The following ATG2B variants were observed in gnomAD, a reference collection of about 807,000 sequenced individuals.
ATG2B encodes the protein autophagy-related protein 2 homolog B.
A neutral mutation model predicts 241.3 loss-of-function variants in ATG2B; 121 were observed. The observed-to-expected ratio is 0.50, with a 90% CI of 0.43 to 0.58. The LOEUF (loss-of-function observed/expected upper bound fraction) is 0.58. Among genes scored for constraint, ATG2B ranks in the 20% least tolerant of loss-of-function variants. The pLI, the probability that ATG2B is intolerant of heterozygous loss-of-function variation, is 0.00. For synonymous variants in ATG2B, 858 were observed against 876.6 expected (o/e 0.98, Z 0.37); for missense variants, 2,306 against 2,491.6 (o/e 0.93, Z 1.59).
At chr14:96,359,440 C>T (rs890434388) in intron 1 of ATG2B, among the ~76,000 whole-genome samples, 2 of 152,102 alleles carry the variant, frequency 1.3e-5, no homozygotes, top group African/African-American at 4.8e-5. Context: ...TTCTTGAGCT[C>T]CTGTAAGAAA....
At chr14:96,311,362 C>T (rs1311089180) in intron 27 of ATG2B, 75 bp from the exon 28 acceptor site, 1 of 1,388,276 alleles carries the variant, frequency 7.2e-7, no homozygotes, top group African/African-American at 1.4e-5. Context: ...CATAGATTTA[C>T]ATTAAATAAG....
intron 1 of ATG2B, among the ~76,000 whole-genome samples, chr14:96,350,772 G>C (rs1373927092): frequency 6.6e-6 from 1 of 152,072 alleles, no homozygotes. Context: ...GCTGACATTT[G>C]CATAATCCTA....
intron 34 of ATG2B, among the ~76,000 whole-genome samples, chr14:96,299,824 TAAG>T (rs762006479): frequency 6.6e-6 from 1 of 152,182 alleles, no homozygotes; most frequent in Non-Finnish European, 1.5e-5. Context: ...ATGATTCAAT[TAAG>T]AAGAATAAGT....
intron 1 of ATG2B, among the ~76,000 whole-genome samples, chr14:96,352,986 T>C (rs1888371250): frequency 6.6e-6 from 1 of 152,204 alleles, no homozygotes; most frequent in South Asian, 2.1e-4. Flanking sequence ...CATACAGCCA[T>C]ATCAATTTTT....
At chr14:96,317,996 G>T in intron 18 of ATG2B, 141 bp from the exon 19 acceptor site, 1 of 578,216 alleles carries the variant, frequency 1.7e-6, no homozygotes, top group South Asian at 3.3e-5. Context: ...CAAGAATTTG[G>T]AAAAACAACA....
chr14:96,297,736 G>T (rs920354659), intron 34 of ATG2B, among the ~76,000 whole-genome samples: 2 of 151,946 alleles, frequency 1.3e-5, no homozygotes, highest in Non-Finnish European at 2.9e-5. Context: ...AAAATTTTTT[G>T]ATTTTGGTAT....
chr14:96,353,617 A>C (rs993034567), intron 1 of ATG2B, among the ~76,000 whole-genome samples: 7 of 148,978 alleles, frequency 4.7e-5, no homozygotes, highest in African/African-American at 1.7e-4. Context: ...AACAGTGAGA[A>C]TCTGTCTCAA....
intron 23 of ATG2B, among the ~76,000 whole-genome samples, chr14:96,314,076 A>G (rs904128330): frequency 6.6e-6 from 1 of 152,196 alleles, no homozygotes; most frequent in Non-Finnish European, 1.5e-5. Flanking sequence ...CCAAACAAAT[A>G]AGGAGGTTCT....
intron 1 of ATG2B, among the ~76,000 whole-genome samples, chr14:96,362,483 G>A (rs1888681066): frequency 6.6e-6 from 1 of 152,090 alleles, no homozygotes; most frequent in Non-Finnish European, 1.5e-5. Context: ...ACAAAACCCT[G>A]CGGCCCCTCA....
chr14:96,326,544 T>C (rs966699339), intron 14 of ATG2B, among the ~76,000 whole-genome samples: 3 of 152,148 alleles, frequency 2.0e-5, no homozygotes, highest in African/African-American at 7.2e-5. Flanking sequence ...CCCAAAGCCA[T>C]CTTACAATAA....
chr14:96,307,598 C>T (rs1038539762), intron 29 of ATG2B, among the ~76,000 whole-genome samples: 6 of 151,736 alleles, frequency 4.0e-5, no homozygotes, highest in African/African-American at 1.2e-4. Context: ...GTCCTATAGG[C>T]GGAGCTCTGG....
At chr14:96,333,159 T>G (rs1887784412) in intron 8 of ATG2B, among the ~76,000 whole-genome samples, 1 of 152,132 alleles carries the variant, frequency 6.6e-6, no homozygotes, top group South Asian at 2.1e-4. Flanking sequence ...ATTTCTTATT[T>G]TGTCCAACAT....
At position 96,325,818 on chromosome 14, in the gene ATG2B, G is replaced by C; in HGVS notation, c.2268C>G (p.Phe756Leu). 1.2e-6 allele frequency: 2 copies of C among 1,613,998 alleles called. No individual in the cohort carries two copies. Among genetic ancestry groups the C allele is most frequent in the Non-Finnish European group, 1.7e-6 (2 of 1,179,986 alleles). The part of the protein sequence containing the change: ...ATPALNLSVR[F>L]PIPDLRSDQE... ...GATCAGATCGAAGATCAGGTATTGG[G>C]AAGCGAACAGAAAGGTTTAATGCTG... The change falls in exon 15 of 42, where the codon TTC becomes TTG. Residue 756 changes from phenylalanine (F) to leucine (L), a missense_variant. This residue lies in a region of ATG2B where 1,927 missense variants were observed against 2,011.2 expected (regional missense o/e 0.96). Coordinates refer to ENST00000359933, the MANE Select transcript of ATG2B (RefSeq NM_018036.7).
rs1887735584 is a variant in ATG2B at position 96,331,601 on chromosome 14, C to T, written c.1505G>A (p.Arg502Lys). 1 of 1,613,476 alleles carries T rather than the reference C, an allele frequency of 6.2e-7. No individual in the cohort carries two copies. The highest frequency in any genetic ancestry group is 8.5e-7 in the Non-Finnish European group (1 of 1,179,738). The stretch of plus-strand genomic sequence containing the variant: ...AGCTAGTCTAAAAATAAGTTCAGGC[C>T]TTGATTCATCCACTGAAACAGATCT... The part of the protein sequence containing the change: ...PSRSVSVDES[R>K]PELIFRLAVG... Residue 502 changes from arginine to lysine, a missense_variant, in exon 11 of 42, where the codon AGG becomes AAG. Coordinates refer to ENST00000359933, the MANE Select transcript of ATG2B (RefSeq NM_018036.7).
rs1432230943 is a variant in ATG2B, at chr14:96,308,209, T to C, written c.4303+1244A>G. Among the ~76,000 whole-genome samples the C allele has an allele frequency of 1.8e-4, 21 of 114,960 alleles. 1 individual carries two copies. The highest frequency in any genetic ancestry group is 7.1e-4 in the African/African-American group (21 of 29,486). The allele number at this position is 114,960 out of a possible 152,430, so 75.4% of individuals were successfully genotyped here. A position where few individuals can be genotyped will look rare whatever the true frequency, so the allele number is the denominator to read the frequency against. On this transcript the variant is annotated intron_variant, in intron 29 of 41. Coordinates refer to ENST00000359933, the MANE Select transcript of ATG2B (RefSeq NM_018036.7). ...ATAAATATATATATACATATATATA[T>C]AAATACATAAATATATATATACATA...
At position 96,285,930 on chromosome 14, in the gene ATG2B, C is replaced by T; in HGVS notation, c.6062G>A (p.Ser2021Asn). ...GCCCACGGCACCAGTCACCCCTCTGCTCTCGTGTTCTCGAGCCGCAGTTTC... is the reference window on the plus strand; with the variant it reads ...GCCCACGGCACCAGTCACCCCTCTGTTCTCGTGTTCTCGAGCCGCAGTTTC... ...IYETAAREHE[S>N]RGVTGAVGEV... Residue 2021 changes from serine to asparagine, a missense_variant, in exon 42 of 42, where the codon AGC (serine) becomes AAC (asparagine). This residue lies in a region of ATG2B where 379 missense variants were observed against 480.4 expected (regional missense o/e 0.79). Coordinates refer to ENST00000359933, the MANE Select transcript of ATG2B (RefSeq NM_018036.7). The surrounding 1 kb of genome is among the most constrained non-coding windows in gnomAD (Gnocchi z 4.2). The T allele has an allele frequency of 6.2e-7, 1 of 1,613,980 alleles. No homozygotes were observed. Among genetic ancestry groups the T allele is most frequent in the Non-Finnish European group, 8.5e-7 (1 of 1,180,012 alleles).
Position 96,295,529 on chromosome 14 carries a change from G to C in ATG2B, c.5171C>G (p.Thr1724Arg). The part of the protein sequence containing the change: ...DALFFLKDFF[T>R]SLSAEVELQM... The stretch of plus-strand genomic sequence containing the variant: ...AAGCTCTACTTCTGCAGAAAGACTT[G>C]TGAAGAAATCCTTCAGGAAGAACAA... Residue 1724 changes from threonine (T) to arginine (R), a missense_variant, in exon 35 of 42, where the codon ACA becomes AGA. By Grantham distance (71) the Thr-to-Arg change is moderately conservative (BLOSUM62 -1). Around this residue, in one of 2 missense-constraint regions of ATG2B, gnomAD observed 379 missense variants for 480.4 expected, o/e 0.79. Transcript: ENST00000359933. 6.2e-7 allele frequency: 1 copy of C among 1,606,098 alleles called. No homozygotes were observed. Among genetic ancestry groups the C allele is most frequent in the Middle Eastern group, 1.7e-4 (1 of 6,006 alleles).
chr14:96,345,833 A>G (rs903812414), intron 2 of ATG2B, among the ~76,000 whole-genome samples: 2 of 152,172 alleles, frequency 1.3e-5, no homozygotes, highest in African/African-American at 4.8e-5. Flanking sequence ...CAAAACAGCC[A>G]TTAAAGTAAA....
intron 1 of ATG2B, 78 bp downstream of exon 1, chr14:96,362,737 C>G: frequency 7.0e-7 from 1 of 1,433,680 alleles, no homozygotes; most frequent in Non-Finnish European, 9.5e-7. Flanking sequence ...TGACTGTCAC[C>G]AATCTTGGAT....
Sources: gnomAD v4.1 joint callset for allele counts (sites outside exome capture counted in the v4.1 genomes callset) on GRCh38, gnomAD v4.1.1 for gene constraint, gnomAD v4.1.1 regional missense constraint, Gnocchi (gnomAD v3.1) non-coding constraint, MANE v1.5 for transcripts, NCBI Gene and HGNC (gene_info 2026-07-23, HGNC 2026-07-21) for gene names.